Variants in ZNF146 observed in about 807,000 individuals in gnomAD.
ZNF146 encodes the protein zinc finger protein 146.
A neutral mutation model predicts 22.2 loss-of-function variants in ZNF146; 9 were observed. That is an observed-to-expected ratio of 0.41 (90% CI 0.24 to 0.71). The LOEUF is 0.71. Among genes scored for constraint, ZNF146 ranks in the 30% least tolerant of loss-of-function variants. The pLI, the probability that ZNF146 is intolerant of heterozygous loss-of-function variation, is 0.34. For missense variants in ZNF146, 194 were observed against 344.8 expected (o/e 0.56, Z 3.46); for synonymous variants, 108 against 119.2 (o/e 0.91, Z 0.61).
chr19:36,234,995 A>G lies in ZNF146; in HGVS notation c.-782-664A>G, dbSNP rs116372022. Among the ~76,000 whole-genome samples the G allele has an allele frequency of 5.1e-3, 773 of 151,996 alleles. 14 individuals carry two copies. The highest frequency in any genetic ancestry group is 0.018 in the African/African-American group (731 of 41,470). The stretch of plus-strand genomic sequence containing the variant: ...GTACCATTTTCTCCTTATAATTTTA[A>G]TGGGGTTTTGGGAGGAAGCACTTGT... On this transcript the variant is annotated intron_variant, in intron 3 of 3. Transcript: ENST00000443387.
intron 3 of ZNF146, among the ~76,000 whole-genome samples, chr19:36,229,151 A>G (rs1296228316): frequency 1.3e-5 from 2 of 152,114 alleles, no homozygotes; most frequent in East Asian, 3.9e-4. Context: ...GTAAAACCTT[A>G]CATATTGTCT....
At chr19:36,224,959 ATAT>A (rs1358593104) in intron 2 of ZNF146, among the ~76,000 whole-genome samples, 8 of 147,480 alleles carry the variant, frequency 5.4e-5, no homozygotes, top group Admixed American at 2.0e-4. Context: ...CTACATACTA[ATAT>A]TATTCCCTGC....
chr19:36,226,326 C>G (rs1977065798), intron 2 of ZNF146, among the ~76,000 whole-genome samples: 1 of 152,186 alleles, frequency 6.6e-6, no homozygotes, highest in Admixed American at 6.5e-5. Context: ...AAATCATGCT[C>G]TAAGCCTTAT....
chr19:36,231,557 C>A lies in ZNF146; in HGVS notation c.-783+2738C>A, dbSNP rs150722617. Among the ~76,000 whole-genome samples, 206 of 152,298 alleles carry A rather than the reference C, an allele frequency of 1.4e-3. 1 individual carries two copies. Among genetic ancestry groups the A allele is most frequent in the African/African-American group, 4.5e-3 (188 of 41,568 alleles). Reference sequence around the variant, plus strand: ...ATAATATCAATTCTTATTTTGGCATCTCCAGAGTTTCTGTCTTGCCTTACA... The same window carrying A: ...ATAATATCAATTCTTATTTTGGCATATCCAGAGTTTCTGTCTTGCCTTACA... On this transcript the variant is annotated intron_variant, in intron 3 of 3. Transcript: ENST00000443387.
At chr19:36,231,707 T>C (rs1411332195) in intron 3 of ZNF146, among the ~76,000 whole-genome samples, 1 of 152,106 alleles carries the variant, frequency 6.6e-6, no homozygotes, top group Non-Finnish European at 1.5e-5. Flanking sequence ...ACCAGTTTCA[T>C]GTTATTTCTG....
chr19:36,221,284 C>CTTTTTTTTTTTT (rs74172797), intron 2 of ZNF146, among the ~76,000 whole-genome samples: 1 of 98,700 alleles, frequency 1.0e-5, no homozygotes, highest in African/African-American at 4.2e-5. Flanking sequence ...TAAGGGACTG[C>CTTTTTTTTTTTT]TTTTTTTTTT....
chr19:36,219,862 G>A (rs1006214186), intron 2 of ZNF146, among the ~76,000 whole-genome samples: 5 of 152,164 alleles, frequency 3.3e-5, no homozygotes, highest in South Asian at 2.1e-4. Flanking sequence ...TGGAAGTATA[G>A]TCTTAATTTC....
intron 2 of ZNF146, among the ~76,000 whole-genome samples, chr19:36,227,721 A>ATTTTTT (rs1977135359): frequency 3.9e-5 from 6 of 152,142 alleles, no homozygotes; most frequent in South Asian, 4.1e-4. Context: ...CGCCCAGCTA[A>ATTTTTT]TTTTGTATTT....
chr19:36,218,366 TA>T (rs1976700268), intron 2 of ZNF146, among the ~76,000 whole-genome samples, 171 bp downstream of exon 2: 1 of 151,746 alleles, frequency 6.6e-6, no homozygotes, highest in African/African-American at 2.4e-5. Context: ...TAGTACTTTT[TA>T]TTACTAGCTG....
Position 36,236,564 on chromosome 19 carries a change from A to G in ZNF146, c.124A>G (p.Lys42Glu). ...GCATGAGCATTTTCACACGAGAGAG[A>G]AACCTTTTGAATGTAACGAGTGTGG... ...TEHEHFHTRE[K>E]PFECNECGKA... The change falls in exon 4 of 4, where the codon AAA becomes GAA. Residue 42 changes from lysine (K) to glutamate (E), a missense_variant. Physicochemically the swap from Lys to Glu is moderately conservative, Grantham distance 56 (BLOSUM62 1). Around this residue, in one of 2 missense-constraint regions of ZNF146, gnomAD observed 147 missense variants for 300.1 expected, o/e 0.49. Transcript: ENST00000443387. 1 of 1,614,232 alleles carries G rather than the reference A, an allele frequency of 6.2e-7. No individual in the cohort carries two copies. The highest frequency in any genetic ancestry group is 8.5e-7 in the Non-Finnish European group (1 of 1,180,038).
Position 36,237,328 on chromosome 19 carries a change from T to G in ZNF146, c.*9T>G. 5 of 1,571,230 alleles carry G rather than the reference T, an allele frequency of 3.2e-6. No homozygotes were observed. The African/African-American group carries it at 6.8e-5, about 22-fold the overall frequency. On this transcript the variant is annotated 3_prime_UTR_variant, in exon 4 of 4. Coordinates refer to ENST00000443387, the MANE Select transcript of ZNF146 (RefSeq NM_007145.3). The stretch of plus-strand genomic sequence containing the variant: ...AAATTCATACTCACTAAAAACCCCA[T>G]GAAAGCCTTGAAAGTGGGAAAGCTT...
At chr19:36,235,293 T>C (rs2145464874) in intron 3 of ZNF146, among the ~76,000 whole-genome samples, 1 of 152,294 alleles carries the variant, frequency 6.6e-6, no homozygotes, top group African/African-American at 2.4e-5. Context: ...ATCTTTTTCT[T>C]CTATTTGGCA....
At position 36,233,922 on chromosome 19, in the gene ZNF146, G is replaced by A. The variant is rs367986069; in HGVS notation, c.-782-1737G>A. 9.1e-4 allele frequency among the ~76,000 whole-genome samples: 138 copies of A among 152,270 alleles called. No individual in the cohort carries two copies. In the East Asian group the frequency reaches 0.018, roughly 19 times the overall value. On this transcript the variant is annotated intron_variant, in intron 3 of 3. Coordinates refer to ENST00000443387, the MANE Select transcript of ZNF146 (RefSeq NM_007145.3). ...TCAGCACAGACCCTTTACGGGTGTC[G>A]GACTGGGGGACGGTCAGGTCTTTCC...
At chr19:36,222,869 T>TAA (rs1224277570) in intron 2 of ZNF146, among the ~76,000 whole-genome samples, 2 of 141,004 alleles carry the variant, frequency 1.4e-5, no homozygotes, top group Non-Finnish European at 3.2e-5. Flanking sequence ...AAATAAGAGG[T>TAA]TTTGTTTTAA....
At position 36,233,913 on chromosome 19, in the gene ZNF146, A is replaced by ACGGGTGT. The variant is rs537471552; in HGVS notation, c.-782-1742_-782-1736dup. Among the ~76,000 whole-genome samples the ACGGGTGT allele has an allele frequency of 4.4e-4, 64 of 147,020 alleles. 1 individual carries two copies. In the South Asian group the frequency reaches 0.012, roughly 29 times the overall value. On this transcript the variant is annotated intron_variant, in intron 3 of 3. Coordinates refer to ENST00000443387, the MANE Select transcript of ZNF146 (RefSeq NM_007145.3). Reference sequence around the variant, plus strand: ...TAATCCTCCTCAGCACAGACCCTTTACGGGTGTCGGACTGGGGGACGGTCA... The same window carrying ACGGGTGT: ...TAATCCTCCTCAGCACAGACCCTTTACGGGTGTCGGGTGTCGGACTGGGGGACGGTCA...
intron 3 of ZNF146, among the ~76,000 whole-genome samples, chr19:36,234,598 T>C (rs960289587): frequency 6.6e-6 from 1 of 152,134 alleles, no homozygotes; most frequent in African/African-American, 2.4e-5. Flanking sequence ...GGGGTTTCAC[T>C]GTGTTAGCCA....
chr19:36,229,604 A>G (rs1025208730), intron 3 of ZNF146, among the ~76,000 whole-genome samples: 4 of 152,234 alleles, frequency 2.6e-5, no homozygotes, highest in Non-Finnish European at 5.9e-5. Context: ...CTATGCTGCA[A>G]ATATATATAC....
At chr19:36,218,032 T>A (rs1264843102) in intron 1 of ZNF146, 90 bp from the exon 2 acceptor site, 1 of 151,760 alleles carries the variant, frequency 6.6e-6, no homozygotes, top group African/African-American at 2.4e-5. Flanking sequence ...CTCGAACTCC[T>A]GACCTCATGT....
Position 36,237,046 on chromosome 19 carries a change from T to C in ZNF146, c.606T>C (p.His202=), listed in dbSNP as rs201950533. 6.2e-7 allele frequency: 1 copy of C among 1,614,200 alleles called. No individual in the cohort carries two copies. Among genetic ancestry groups the C allele is most frequent in the Non-Finnish European group, 8.5e-7 (1 of 1,180,026 alleles). The change falls in exon 4 of 4, where the codon CAT becomes CAC. Residue 202 remains histidine (H), a synonymous_variant. Coordinates refer to ENST00000443387, the MANE Select transcript of ZNF146 (RefSeq NM_007145.3). Reference sequence around the variant, plus strand: ...CTCAGCGAACATCACTTATTGTACATGTGAGGATTCATTCAGGTGATAAAC... The same window carrying C: ...CTCAGCGAACATCACTTATTGTACACGTGAGGATTCATTCAGGTGATAAAC... ...AFSQRTSLIV[H]VRIHSGDKPY...
Sources: allele counts gnomAD v4.1 joint callset (sites outside exome capture counted in the v4.1 genomes callset), GRCh38; gene constraint gnomAD v4.1.1; regional missense constraint gnomAD v4.1.1; transcripts MANE v1.5; gene names NCBI Gene and HGNC (gene_info 2026-07-23, HGNC 2026-07-21).